FRYL: variants seen among roughly 807,000 people sequenced by gnomAD.
The protein encoded by FRYL is FRY like transcription coactivator.
Under a neutral mutation model 351.2 loss-of-function variants are expected in FRYL, and 150 were observed. That is an observed-to-expected ratio of 0.43 (90% CI 0.37 to 0.49). FRYL has a LOEUF of 0.49. Among genes scored for constraint, FRYL ranks in the 20% least tolerant of loss-of-function variants. The pLI, the probability that FRYL is intolerant of heterozygous loss-of-function variation, is 0.00. For missense variants in FRYL, 3,036 were observed against 3,619.3 expected, an observed-to-expected ratio of 0.84 and a Z score of 4.13; for synonymous variants, 1,153 against 1,257.1, an observed-to-expected ratio of 0.92 and a Z score of 1.75.
At chr4:48,686,077 T>A (rs1765127282) in intron 2 of FRYL, among the ~76,000 whole-genome samples, 1 of 152,120 alleles carries the variant, frequency 6.6e-6, no homozygotes, top group Non-Finnish European at 1.5e-5. Context: ...ATAAGACAAA[T>A]TTTAAATCTG....
intron 1 of FRYL, among the ~76,000 whole-genome samples, chr4:48,757,509 A>T (rs1773922541): frequency 6.6e-6 from 1 of 152,182 alleles, no homozygotes; most frequent in Non-Finnish European, 1.5e-5. Context: ...AAGAGAATAA[A>T]ATACCTAGGA....
At chr4:48,505,768 T>G in intron 59 of FRYL, 153 bp from the exon 60 acceptor site, 1 of 544,214 alleles carries the variant, frequency 1.8e-6, no homozygotes, top group South Asian at 2.8e-5. Flanking sequence ...AATCAATCAT[T>G]TATATGGAAC....
At position 48,557,103 on chromosome 4, in the gene FRYL, C is replaced by A. The variant is rs1397532924; in HGVS notation, c.4141G>T (p.Ala1381Ser). ...CACACATTCTCCACCTCCGACCAGG[C>A]CAGTTCATCGCCATACTAGATGCAA... ...YMTAKYGDEL[A>S]WSEVENVWTT... Residue 1381 changes from alanine (A) to serine (S), a missense_variant, in exon 35 of 64, where the codon GCC becomes TCC. Physicochemically the swap from Ala to Ser is moderately conservative, Grantham distance 99. This residue lies in a region of FRYL where 1,987 missense variants were observed against 2,311.7 expected (regional missense o/e 0.86). Coordinates refer to ENST00000358350, the MANE Select transcript of FRYL (RefSeq NM_015030.2). The A allele has an allele frequency of 5.6e-6, 9 of 1,594,836 alleles. No individual in the cohort carries two copies. In the South Asian group the frequency reaches 7.9e-5, roughly 14 times the overall value.
intron 53 of FRYL, among the ~76,000 whole-genome samples, chr4:48,526,889 C>T (rs1485020050): frequency 1.3e-5 from 2 of 152,106 alleles, no homozygotes; most frequent in African/African-American, 2.4e-5. Context: ...TTACCTACAT[C>T]ATAAAGAAGA....
At chr4:48,777,998 A>G (rs565781330) in intron 1 of FRYL, among the ~76,000 whole-genome samples, 1 of 152,258 alleles carries the variant, frequency 6.6e-6, no homozygotes, top group East Asian at 1.9e-4. Flanking sequence ...CCAGCCGTCT[A>G]TACGAAAAAT....
chr4:48,557,121 A>G lies in FRYL; in HGVS notation c.4126-3T>C. ...GACCAGGCCAGTTCATCGCCATACT[A>G]GATGCAATATGCACAAAAGATACTT... On this transcript the variant is annotated splice_polypyrimidine_tract_variant and splice_region_variant and intron_variant, in intron 34 of 63. Transcript: ENST00000358350. 6.3e-7 allele frequency: 1 copy of G among 1,578,742 alleles called. No individual in the cohort carries two copies. Among genetic ancestry groups the G allele is most frequent in the East Asian group, 2.3e-5 (1 of 44,296 alleles).
chr4:48,510,191 T>A (rs374603426), intron 58 of FRYL, 34 bp from the exon 59 acceptor site: 90 of 1,477,098 alleles, frequency 6.1e-5, no homozygotes, highest in Non-Finnish European at 7.9e-5. Context: ...CAGGTTACCA[T>A]TTCTGATTGA....
intron 1 of FRYL, among the ~76,000 whole-genome samples, chr4:48,749,167 C>T (rs1260983141): frequency 9.9e-5 from 15 of 152,248 alleles, no homozygotes; most frequent in Non-Finnish European, 2.2e-4. Context: ...CACTGCAGGG[C>T]GGAGAGCAGG....
chr4:48,500,716 C>T (rs1719389790), intron 62 of FRYL, among the ~76,000 whole-genome samples: 2 of 152,144 alleles, frequency 1.3e-5, no homozygotes, highest in Non-Finnish European at 2.9e-5. Context: ...AAGTTAGCAT[C>T]TTTGAGGCTA....
intron 1 of FRYL, among the ~76,000 whole-genome samples, chr4:48,714,289 A>C (rs2149597030): frequency 6.7e-6 from 1 of 149,172 alleles, no homozygotes; most frequent in East Asian, 2.1e-4. Context: ...AACTGAAGGA[A>C]ATAGAGACAC....
At chr4:48,658,864 AAC>A (rs1759838067) in intron 3 of FRYL, among the ~76,000 whole-genome samples, 1 of 152,200 alleles carries the variant, frequency 6.6e-6, no homozygotes, top group East Asian at 1.9e-4. Context: ...AGAAAAAAAA[AAC>A]ATTTGTAACA....
At chr4:48,749,409 G>A (rs1461859839) in intron 1 of FRYL, among the ~76,000 whole-genome samples, 1 of 152,156 alleles carries the variant, frequency 6.6e-6, no homozygotes, top group African/African-American at 2.4e-5. Flanking sequence ...ACTGCTTATG[G>A]TAAAAATGAC....
At chr4:48,760,462 A>C (rs926884970) in intron 1 of FRYL, among the ~76,000 whole-genome samples, 9 of 152,122 alleles carry the variant, frequency 5.9e-5, no homozygotes, top group Admixed American at 4.6e-4. Flanking sequence ...TTGTCTATAC[A>C]CATTATTATA....
chr4:48,621,080 A>G (rs1386988861), intron 5 of FRYL, among the ~76,000 whole-genome samples: 1 of 152,190 alleles, frequency 6.6e-6, no homozygotes, highest in Non-Finnish European at 1.5e-5. Context: ...GATTAAATAC[A>G]CAGATATCTT....
chr4:48,669,946 C>A (rs1560828392), intron 3 of FRYL, among the ~76,000 whole-genome samples: 2 of 151,456 alleles, frequency 1.3e-5, no homozygotes, highest in Non-Finnish European at 2.9e-5. Context: ...TTTTTAAAAT[C>A]ATTTTTTACT....
At chr4:48,767,030 G>A (rs1464175) in intron 1 of FRYL, among the ~76,000 whole-genome samples, 143,477 of 147,688 alleles carry the variant, frequency 0.97, 69,843 homozygotes, top group East Asian at 1. Flanking sequence ...TATAAAATAT[G>A]TATTGTATTA....
At chr4:48,745,077 G>A (rs908749884) in intron 1 of FRYL, among the ~76,000 whole-genome samples, 2 of 152,176 alleles carry the variant, frequency 1.3e-5, no homozygotes, top group African/African-American at 4.8e-5. Context: ...TGGATAGATA[G>A]TCCAAGAGGG....
intron 1 of FRYL, among the ~76,000 whole-genome samples, chr4:48,740,372 G>A (rs1352776262): frequency 1.1e-4 from 14 of 132,296 alleles, no homozygotes; most frequent in East Asian, 4.7e-4. Context: ...TCTGCTCACC[G>A]CAACTTCCAC....
Position 48,567,755 on chromosome 4 carries a change from T to A in FRYL, c.2997-335A>T, listed in dbSNP as rs577058640. 6.6e-6 allele frequency among the ~76,000 whole-genome samples: 1 copy of A among 152,310 alleles called. No homozygotes were observed. Among genetic ancestry groups the A allele is most frequent in the East Asian group, 1.9e-4 (1 of 5,180 alleles). The stretch of plus-strand genomic sequence containing the variant: ...GGCATATGAAATGGGGAGGATCAGT[T>A]TAGAAAAGTAGAAAGAGGAAAGACT... On this transcript the variant is annotated intron_variant, in intron 27 of 63. Coordinates refer to ENST00000358350, the MANE Select transcript of FRYL (RefSeq NM_015030.2). The surrounding 1 kb of genome is among the most constrained non-coding windows in gnomAD (Gnocchi z 4.2).
Sources: gnomAD v4.1 joint callset for allele counts (sites outside exome capture counted in the v4.1 genomes callset) on GRCh38, gnomAD v4.1.1 for gene constraint, gnomAD v4.1.1 regional missense constraint, Gnocchi (gnomAD v3.1) non-coding constraint, MANE v1.5 for transcripts, NCBI Gene and HGNC (gene_info 2026-07-23, HGNC 2026-07-21) for gene names.